Variants in PCCA observed in about 807,000 individuals in gnomAD.
The protein encoded by PCCA is propionyl-CoA carboxylase subunit alpha.
Under a neutral mutation model 101.3 loss-of-function variants are expected in PCCA, and 74 were observed. The observed-to-expected ratio is 0.73, with a 90% CI of 0.61 to 0.89. The LOEUF is 0.89. Ranked by LOEUF, PCCA falls within the 40% of genes least tolerant of loss-of-function variation. The probability of loss-of-function intolerance (pLI) is 0.00; values close to 1 mark genes in which losing one functional copy is unlikely to be tolerated. For missense variants in PCCA, 891 were observed against 907.0 expected (o/e 0.98, Z 0.23); for synonymous variants, 294 against 313.6 (o/e 0.94, Z 0.66).
chr13:100,446,274 C>T (rs1361427543), intron 20 of PCCA, among the ~76,000 whole-genome samples: 1 of 152,150 alleles, frequency 6.6e-6, no homozygotes, highest in Non-Finnish European at 1.5e-5. Flanking sequence ...AAATGATCCA[C>T]CCACCTTAGC....
chr13:100,276,641 CTT>C (rs1203196043), intron 12 of PCCA, among the ~76,000 whole-genome samples: 6 of 151,994 alleles, frequency 3.9e-5, no homozygotes, highest in Admixed American at 6.5e-5. Flanking sequence ...TTTCTTCTGT[CTT>C]TCTTACCTTC....
At chr13:100,108,403 C>T (rs1361610344) in intron 2 of PCCA, among the ~76,000 whole-genome samples, 2 of 152,176 alleles carry the variant, frequency 1.3e-5, no homozygotes, top group African/African-American at 4.8e-5. Context: ...TGACTCTCCA[C>T]ATATAGGATC....
intron 19 of PCCA, among the ~76,000 whole-genome samples, chr13:100,392,798 A>T (rs2076864764): frequency 6.6e-6 from 1 of 152,214 alleles, no homozygotes; most frequent in African/African-American, 2.4e-5. Context: ...ATGAATTCAC[A>T]TTTGGAGAAA....
At chr13:100,418,446 CT>C (rs2078524506) in intron 19 of PCCA, among the ~76,000 whole-genome samples, 1 of 152,230 alleles carries the variant, frequency 6.6e-6, no homozygotes, top group South Asian at 2.1e-4. Flanking sequence ...GCTGACACTA[CT>C]TCTGAATGTC....
At chr13:100,179,671 C>T (rs2056603696) in intron 6 of PCCA, among the ~76,000 whole-genome samples, 1 of 152,068 alleles carries the variant, frequency 6.6e-6, no homozygotes, top group African/African-American at 2.4e-5. Context: ...TAGTGCCTGA[C>T]CCAAGGCAGA....
intron 22 of PCCA, among the ~76,000 whole-genome samples, chr13:100,526,739 C>A (rs375834460): frequency 6.6e-6 from 1 of 152,244 alleles, no homozygotes; most frequent in East Asian, 1.9e-4. Flanking sequence ...GCTGACCCAT[C>A]GGGGCAGAGC....
chr13:100,334,857 G>C (rs2070191973), intron 17 of PCCA, among the ~76,000 whole-genome samples: 1 of 152,152 alleles, frequency 6.6e-6, no homozygotes, highest in Non-Finnish European at 1.5e-5. Context: ...GGATAACTTT[G>C]AAAGAAATAA....
chr13:100,140,940 A>G (rs2051792835), intron 4 of PCCA, among the ~76,000 whole-genome samples: 1 of 152,194 alleles, frequency 6.6e-6, no homozygotes, highest in South Asian at 2.1e-4. Context: ...TTCATTGTTG[A>G]TAGCACTATG....
chr13:100,151,996 C>T (rs1235572798), intron 4 of PCCA, among the ~76,000 whole-genome samples: 1 of 151,670 alleles, frequency 6.6e-6, no homozygotes, highest in African/African-American at 2.4e-5. Context: ...TATTATTAAG[C>T]CAAAAAAAAC....
chr13:100,099,281 C>T (rs1303301262), intron 1 of PCCA, among the ~76,000 whole-genome samples: 1 of 151,112 alleles, frequency 6.6e-6, no homozygotes, highest in Non-Finnish European at 1.5e-5. Flanking sequence ...CACGTGAGGC[C>T]ACATCTTGCT....
At chr13:100,416,534 GTGTA>G (rs756597674) in intron 19 of PCCA, among the ~76,000 whole-genome samples, 18 of 150,794 alleles carry the variant, frequency 1.2e-4, no homozygotes, top group African/African-American at 3.2e-4. Context: ...GTGTGTGTGT[GTGTA>G]TGTATTTTTT....
chr13:100,417,532 A>G (rs2078454614), intron 19 of PCCA, among the ~76,000 whole-genome samples: 1 of 152,156 alleles, frequency 6.6e-6, no homozygotes, highest in Non-Finnish European at 1.5e-5. Context: ...TGGAAGATGT[A>G]TGTGGGGAGG....
chr13:100,459,196 C>A (rs537913490), intron 21 of PCCA, among the ~76,000 whole-genome samples: 2 of 152,288 alleles, frequency 1.3e-5, no homozygotes, highest in Admixed American at 1.3e-4. Context: ...ATTTAAGGCT[C>A]ACCCTAATCC....
intron 2 of PCCA, among the ~76,000 whole-genome samples, chr13:100,104,865 G>A (rs1404058872): frequency 2.0e-5 from 3 of 151,700 alleles, no homozygotes; most frequent in East Asian, 1.9e-4. Context: ...CACCATGCCC[G>A]GCTAATTTTT....
At position 100,273,300 on chromosome 13, in the gene PCCA, A is replaced by C; in HGVS notation, c.1019A>C (p.Asp340Ala). Residue 340 changes from aspartate (D) to alanine (A), a missense_variant, in exon 12 of 24, where the codon GAC becomes GCC. Transcript: ENST00000376285. ...SSAGTVEFLV[D>A]SKKNFYFLEM... ...GCTGGGACCGTGGAGTTCCTTGTGG[A>C]CTCTAAGAAGAATTTTTATTTCTTG... 1.9e-6 allele frequency: 3 copies of C among 1,612,704 alleles called. No homozygotes were observed. The highest frequency in any genetic ancestry group is 2.5e-6 in the Non-Finnish European group (3 of 1,178,834).
At chr13:100,389,743 G>A (rs1239547865) in intron 19 of PCCA, among the ~76,000 whole-genome samples, 1 of 152,216 alleles carries the variant, frequency 6.6e-6, no homozygotes, top group Non-Finnish European at 1.5e-5. Context: ...AAAGCTTGAA[G>A]TGTGGGACCT....
intron 12 of PCCA, among the ~76,000 whole-genome samples, chr13:100,293,687 C>T (rs1214621679): frequency 5.3e-5 from 8 of 152,032 alleles, no homozygotes; most frequent in Non-Finnish European, 1.2e-4. Context: ...TGATAGAGGC[C>T]AGGGCTCTCA....
At chr13:100,476,214 A>G (rs1038629224) in intron 21 of PCCA, among the ~76,000 whole-genome samples, 4 of 152,350 alleles carry the variant, frequency 2.6e-5, no homozygotes, top group Admixed American at 2.0e-4. Flanking sequence ...TTTAATAGGA[A>G]TGTTGTAAAA....
rs1027707403 is a variant in PCCA, at chr13:100,215,721, T to C, written c.600+6258T>C. On this transcript the variant is annotated intron_variant, in intron 7 of 23. Coordinates refer to ENST00000376285, the MANE Select transcript of PCCA (RefSeq NM_000282.4). ...GTCATGATCTCGGCTCACTGTAACC[T>C]CCGTCCACCCTGGGTTCAAGCAATT... Among the ~76,000 whole-genome samples, 40 of 152,236 alleles carry C rather than the reference T, an allele frequency of 2.6e-4. 1 individual carries two copies. The highest frequency in any genetic ancestry group is 9.4e-4 in the African/African-American group (39 of 41,554).
Sources: allele counts gnomAD v4.1 joint callset (sites outside exome capture counted in the v4.1 genomes callset), GRCh38; gene constraint gnomAD v4.1.1; transcripts MANE v1.5; gene names NCBI Gene and HGNC (gene_info 2026-07-23, HGNC 2026-07-21).